GREB1L: variants seen among roughly 807,000 people sequenced by gnomAD.
The protein encoded by GREB1L is GREB1-like protein.
Under a neutral mutation model 200.8 loss-of-function variants are expected in GREB1L, and 17 were observed. The observed-to-expected ratio is 0.08, with a 90% CI of 0.06 to 0.13. The LOEUF is 0.13. GREB1L is among the 10% of genes least tolerant of loss of function. GREB1L has a pLI of 1.00. For missense variants in GREB1L, 1,657 were observed against 2,367.7 expected (o/e 0.70, Z 6.23); for synonymous variants, 789 against 893.0 (o/e 0.88, Z 2.08).
chr18:21,299,211 G>A (rs544380825), intron 1 of GREB1L, among the ~76,000 whole-genome samples: 2 of 151,580 alleles, frequency 1.3e-5, no homozygotes, highest in East Asian at 1.9e-4. Flanking sequence ...CCTGGAGGCG[G>A]AGGTTGCAGT....
intron 13 of GREB1L, 119 bp from the exon 14 acceptor site, chr18:21,451,964 G>C: frequency 1.2e-6 from 1 of 834,892 alleles, no homozygotes; most frequent in South Asian, 1.8e-5. Context: ...ATGCTGATAT[G>C]AATTGCTGGC....
chr18:21,316,455 C>T (rs1450308113), intron 1 of GREB1L, among the ~76,000 whole-genome samples: 1 of 152,184 alleles, frequency 6.6e-6, no homozygotes, highest in Non-Finnish European at 1.5e-5. Flanking sequence ...ATCTTTTTGT[C>T]TCTGCCAAAT....
intron 1 of GREB1L, among the ~76,000 whole-genome samples, chr18:21,267,804 C>CTT (rs769798986): frequency 9.7e-5 from 13 of 133,864 alleles, no homozygotes; most frequent in East Asian, 4.3e-4. Context: ...CCACCCCAAG[C>CTT]TTTTTTTTTT....
chr18:21,500,458 C>G, intron 22 of GREB1L, 82 bp from the exon 23 acceptor site: 1 of 1,060,902 alleles, frequency 9.4e-7, no homozygotes, highest in Admixed American at 2.1e-5. Context: ...CACTGCAGAG[C>G]CAAGGTGTGA....
intron 5 of GREB1L, among the ~76,000 whole-genome samples, chr18:21,397,731 A>G (rs1366325513): frequency 1.3e-5 from 2 of 152,148 alleles, no homozygotes; most frequent in African/African-American, 4.8e-5. Flanking sequence ...CACTTTGTTT[A>G]GTGAAATTGA....
At chr18:21,387,387 T>TA (rs2040586979) in intron 4 of GREB1L, 1 of 152,222 alleles carries the variant, frequency 6.6e-6, no homozygotes, top group Admixed American at 6.5e-5. Flanking sequence ...TATTCCTTTT[T>TA]AAAAAAATTA....
chr18:21,252,082 A>G (rs992189160), intron 1 of GREB1L, among the ~76,000 whole-genome samples: 1 of 152,214 alleles, frequency 6.6e-6, no homozygotes, highest in Non-Finnish European at 1.5e-5. Context: ...CCACTATTCC[A>G]AATGGTCAAT....
At position 21,390,515 on chromosome 18, in the gene GREB1L, AGTTT is replaced by A. The variant is rs541338585; in HGVS notation, c.356-4853_356-4850del. ...TTTGTGCCTTAGTTTTTAACAAAAAAGTTTGTTTGTTTGTTTGTTTTTGTTTTTG... is the reference window on the plus strand; with the variant it reads ...TTTGTGCCTTAGTTTTTAACAAAAAAGTTTGTTTGTTTGTTTTTGTTTTTG... On this transcript the variant is annotated intron_variant, in intron 4 of 32. Transcript: ENST00000424526. 4.1e-3 allele frequency among the ~76,000 whole-genome samples: 620 copies of A among 152,144 alleles called. 2 individuals are homozygous for A. Among genetic ancestry groups the A allele is most frequent in the Admixed American group, 7.9e-3 (121 of 15,264 alleles).
intron 1 of GREB1L, among the ~76,000 whole-genome samples, chr18:21,287,817 G>A (rs2038381758): frequency 7.3e-6 from 1 of 137,668 alleles, no homozygotes; most frequent in Non-Finnish European, 1.5e-5. Context: ...TTTTTGAGAT[G>A]GAGTCTCGCT....
chr18:21,452,640 T>C (rs1331870563), intron 14 of GREB1L, among the ~76,000 whole-genome samples: 1 of 152,138 alleles, frequency 6.6e-6, no homozygotes, highest in African/African-American at 2.4e-5. Context: ...ATCTCAGGGA[T>C]AGTGAGGCTT....
chr18:21,375,394 G>A (rs1266484431), intron 2 of GREB1L, among the ~76,000 whole-genome samples: 5 of 152,016 alleles, frequency 3.3e-5, no homozygotes, highest in Admixed American at 1.3e-4. Flanking sequence ...AGAGCGGTAC[G>A]GTTATTTTGT....
At chr18:21,380,281 T>G (rs1418409264) in intron 2 of GREB1L, 1 of 152,206 alleles carries the variant, frequency 6.6e-6, no homozygotes, top group Non-Finnish European at 1.5e-5. Flanking sequence ...TCTGGGAAAC[T>G]TGAGATAGAG....
intron 1 of GREB1L, among the ~76,000 whole-genome samples, chr18:21,314,532 G>A (rs1294193086): frequency 1.3e-5 from 2 of 152,158 alleles, no homozygotes; most frequent in Non-Finnish European, 2.9e-5. Context: ...TCAAAACAAG[G>A]CCAGGGCATC....
At chr18:21,342,462 A>G (rs189723147) in intron 1 of GREB1L, among the ~76,000 whole-genome samples, 22 of 152,170 alleles carry the variant, frequency 1.4e-4, no homozygotes, top group Admixed American at 1.0e-3. Flanking sequence ...AGTTCTTTGT[A>G]TCTTATTTGA....
In GREB1L at chr18:21,524,505, G is replaced by T. The variant is rs1453512652; in HGVS notation, c.*1684G>T. 5 of 152,086 alleles carry T rather than the reference G, an allele frequency of 3.3e-5. No individual in the cohort carries two copies. The highest frequency in any genetic ancestry group is 5.9e-5 in the Non-Finnish European group (4 of 68,000). The allele number at this position is 152,086 out of a possible 1,614,324, so 9.4% of individuals were successfully genotyped here. ...AAAGAGGTATGTTTTGAAGCAATTT[G>T]GTTTAAATATGAATGTATTTCACTT... On this transcript the variant is annotated 3_prime_UTR_variant, in exon 33 of 33. Transcript: ENST00000424526.
At chr18:21,320,336 A>T (rs530007533) in intron 1 of GREB1L, among the ~76,000 whole-genome samples, 40 of 152,296 alleles carry the variant, frequency 2.6e-4, no homozygotes, top group South Asian at 6.2e-4. Flanking sequence ...TATATATATA[A>T]AATGTATGTA....
chr18:21,416,822 T>C (rs2031685315), intron 7 of GREB1L, among the ~76,000 whole-genome samples: 1 of 151,868 alleles, frequency 6.6e-6, no homozygotes, highest in Non-Finnish European at 1.5e-5. Flanking sequence ...GGTCAGGAGT[T>C]CAAGACCAGC....
At chr18:21,450,766 A>G (rs1156522211) in intron 12 of GREB1L, 2 of 327,584 alleles carry the variant, frequency 6.1e-6, no homozygotes, top group African/African-American at 2.1e-5. Context: ...ACAAACGTGC[A>G]TATTTTCAGT....
At position 21,428,196 on chromosome 18, in the gene GREB1L, C is replaced by CAAA. The variant is rs60750456; in HGVS notation, c.833-11296_833-11294dup. On this transcript the variant is annotated intron_variant, in intron 7 of 32. Coordinates refer to ENST00000424526, the MANE Select transcript of GREB1L (RefSeq NM_001142966.3). The stretch of plus-strand genomic sequence containing the variant: ...TGGGCGACAGAGCGAGACTCCGTCT[C>CAAA]AAAAAAAAAAAAAAAAAAAAAAAAA... Among the ~76,000 whole-genome samples, 224 of 48,164 alleles carry CAAA rather than the reference C, an allele frequency of 4.7e-3. 6 individuals carry two copies. The highest frequency in any genetic ancestry group is 0.016 in the Middle Eastern group (1 of 62). The allele number at this position is 48,164 out of a possible 152,430, so 31.6% of individuals were successfully genotyped here.
Sources: gnomAD v4.1 joint callset for allele counts (sites outside exome capture counted in the v4.1 genomes callset) on GRCh38, gnomAD v4.1.1 for gene constraint, MANE v1.5 for transcripts, NCBI Gene and HGNC (gene_info 2026-07-23, HGNC 2026-07-21) for gene names.